Variants in PCNX1 observed in about 807,000 individuals in gnomAD.
PCNX1 encodes pecanex 1.
A neutral mutation model predicts 242.2 loss-of-function variants in PCNX1; 78 were observed. The observed-to-expected ratio is 0.32, with a 90% CI of 0.27 to 0.39. PCNX1 has a LOEUF of 0.39. Ranked by LOEUF, PCNX1 falls within the 10% of genes least tolerant of loss-of-function variation. The probability of loss-of-function intolerance (pLI) is 1.00; values close to 1 mark genes in which losing one functional copy is unlikely to be tolerated. For synonymous variants in PCNX1, 1,024 were observed against 1,032.9 expected, an observed-to-expected ratio of 0.99 and a Z score of 0.17; for missense variants, 2,581 against 2,856.5, an observed-to-expected ratio of 0.90 and a Z score of 2.20.
rs1299814666 is a variant in PCNX1 at position 71,013,032 on chromosome 14, A to C, written c.2826A>C (p.Thr942=). Residue 942 remains threonine, a synonymous_variant, in exon 11 of 36, where the codon ACA becomes ACC. Coordinates refer to ENST00000304743, the MANE Select transcript of PCNX1 (RefSeq NM_014982.3). ...TGAATAGACTATTGACCATTGATAC[A>C]GATTTGTTGGAGCAACAGGACATTG... The part of the protein sequence containing the change: ...IRLNRLLTID[T]DLLEQQDIDL... 6.2e-6 allele frequency: 10 copies of C among 1,614,146 alleles called. No homozygotes were observed. The highest frequency in any genetic ancestry group is 8.5e-6 in the Non-Finnish European group (10 of 1,179,996).
At position 70,995,795 on chromosome 14, in the gene PCNX1, C is replaced by T; in HGVS notation, c.2499C>T (p.Ser833=). 1.2e-6 allele frequency: 2 copies of T among 1,614,024 alleles called. No homozygotes were observed. Among genetic ancestry groups the T allele is most frequent in the Non-Finnish European group, 1.7e-6 (2 of 1,179,976 alleles). The change falls in exon 8 of 36, where the codon TCC becomes TCT. Residue 833 remains serine (S), a synonymous_variant. Transcript: ENST00000304743. ...QQSTAQVKVQ[S]RPPSQAAVLS... is the part of the protein sequence containing the mutation. ...CCACAGCCCAGGTCAAAGTCCAGTC[C>T]CGCCCCCCTTCCCAGGCTGCAGTGC...
chr14:70,954,591 G>T (rs374765005), intron 2 of PCNX1, among the ~76,000 whole-genome samples: 7 of 152,128 alleles, frequency 4.6e-5, no homozygotes, highest in East Asian at 3.9e-4. Flanking sequence ...GGAAATTTAT[G>T]ATTTTATAGT....
chr14:70,926,464 C>A lies in PCNX1; in HGVS notation c.153+18461C>A, dbSNP rs191255493. On this transcript the variant is annotated intron_variant, in intron 1 of 35. Coordinates refer to ENST00000304743, the MANE Select transcript of PCNX1 (RefSeq NM_014982.3). Reference sequence around the variant, plus strand: ...GCCCTTATGAATATGTAAATAGCAGCAAGAGAAGCACTTGCTGCCAATTGG... The same window carrying A: ...GCCCTTATGAATATGTAAATAGCAGAAAGAGAAGCACTTGCTGCCAATTGG... 7.2e-3 allele frequency among the ~76,000 whole-genome samples: 1,091 copies of A among 152,260 alleles called. 38 individuals are homozygous for A. Among genetic ancestry groups the A allele is most frequent in the Admixed American group, 0.067 (1,028 of 15,298 alleles).
At chr14:70,910,220 T>TCCCCCTCCC in intron 1 of PCNX1, among the ~76,000 whole-genome samples, 1 of 74,144 alleles carries the variant, frequency 1.3e-5, no homozygotes, top group East Asian at 3.8e-4. Context: ...CTCCTCCTCC[T>TCCCCCTCCC]CCTCCTCCTC....
At chr14:71,044,995 T>G in intron 19 of PCNX1, 138 bp from the exon 20 acceptor site, 1 of 609,522 alleles carries the variant, frequency 1.6e-6, no homozygotes. Context: ...AAATGTTAAC[T>G]GTAGAAAAAT....
chr14:70,937,406 C>G (rs1439134858), intron 1 of PCNX1, among the ~76,000 whole-genome samples: 1 of 152,186 alleles, frequency 6.6e-6, no homozygotes, highest in African/African-American at 2.4e-5. Context: ...TTCCCCATTT[C>G]TTGTTTCTGT....
At chr14:71,042,140 G>C (rs1328547131) in intron 19 of PCNX1, among the ~76,000 whole-genome samples, 1 of 152,160 alleles carries the variant, frequency 6.6e-6, no homozygotes, top group African/African-American at 2.4e-5. Flanking sequence ...AATGAGGACA[G>C]TGTGTATTTT....
Position 71,055,546 on chromosome 14 carries a change from G to T in PCNX1, c.4620G>T (p.Gln1540His). The change falls in exon 25 of 36, where the codon CAG (glutamine) becomes CAT (histidine). Residue 1540 changes from glutamine to histidine, a missense_variant. This residue lies in a region of PCNX1 where 99 missense variants were observed against 147.3 expected (regional missense o/e 0.67). Coordinates refer to ENST00000304743, the MANE Select transcript of PCNX1 (RefSeq NM_014982.3). ...VDHSNTRLASQLDRNPGSDDN... is the reference protein window; with the variant it reads ...VDHSNTRLASHLDRNPGSDDN... ...ATTCAAATACCAGATTGGCTTCCCA[G>T]CTTGATAGAAATCCAGGTAATAGCT... is the stretch of plus-strand genomic sequence containing the variant. The T allele has an allele frequency of 6.2e-7, 1 of 1,605,076 alleles. No individual in the cohort carries two copies. The highest frequency in any genetic ancestry group is 8.5e-7 in the Non-Finnish European group (1 of 1,172,630).
intron 11 of PCNX1, among the ~76,000 whole-genome samples, chr14:71,017,749 A>G (rs1475769213): frequency 2.6e-5 from 4 of 152,228 alleles, no homozygotes; most frequent in African/African-American, 9.6e-5. Flanking sequence ...AAAAGAGGTC[A>G]TTGGATTTAG....
chr14:70,961,812 C>T (rs976544192), intron 2 of PCNX1, among the ~76,000 whole-genome samples: 5 of 152,110 alleles, frequency 3.3e-5, no homozygotes, highest in Non-Finnish European at 7.4e-5. Context: ...CGAGGGGATT[C>T]GTTAATGTAA....
At chr14:71,098,776 C>T (rs943647514) in intron 30 of PCNX1, among the ~76,000 whole-genome samples, 2 of 151,900 alleles carry the variant, frequency 1.3e-5, no homozygotes, top group African/African-American at 4.8e-5. Flanking sequence ...ACTTCTTTTC[C>T]GATTTGGATG....
At chr14:71,021,218 T>G (rs1300590216) in intron 12 of PCNX1, among the ~76,000 whole-genome samples, 1 of 152,154 alleles carries the variant, frequency 6.6e-6, no homozygotes, top group Non-Finnish European at 1.5e-5. Context: ...TTATTTTTTT[T>G]GCTTAGGATT....
At position 71,033,457 on chromosome 14, in the gene PCNX1, T is replaced by C; in HGVS notation, c.3587T>C (p.Val1196Ala). 6.2e-7 allele frequency: 1 copy of C among 1,606,154 alleles called. No individual in the cohort carries two copies. Among genetic ancestry groups the C allele is most frequent in the Non-Finnish European group, 8.5e-7 (1 of 1,173,148 alleles). Residue 1196 changes from valine to alanine, a missense_variant, in exon 17 of 36, where the codon GTA becomes GCA. This residue lies in a region of PCNX1 where 432 missense variants were observed against 443.1 expected (regional missense o/e 0.97). Transcript: ENST00000304743. Reference sequence around the variant, plus strand: ...TCTTGGGATGGCCAGCATATTCCAGTACTTTTCTCCATTTTTTGTGGTTTA... The same window carrying C: ...TCTTGGGATGGCCAGCATATTCCAGCACTTTTCTCCATTTTTTGTGGTTTA... ...KDSWDGQHIP[V>A]LFSIFCGLLV...
intron 26 of PCNX1, among the ~76,000 whole-genome samples, chr14:71,072,297 T>C (rs2061604393): frequency 6.6e-6 from 1 of 152,182 alleles, no homozygotes. Context: ...TTAGGCAGTA[T>C]CATATAAAAT....
intron 2 of PCNX1, among the ~76,000 whole-genome samples, chr14:70,960,343 C>G (rs2058163571): frequency 1.3e-5 from 2 of 151,182 alleles, no homozygotes; most frequent in South Asian, 4.2e-4. Flanking sequence ...AGGTTTTCTT[C>G]TAGGGTTTTT....
chr14:71,063,247 A>G (rs1459297568), intron 26 of PCNX1, among the ~76,000 whole-genome samples: 2 of 152,152 alleles, frequency 1.3e-5, no homozygotes, highest in Non-Finnish European at 2.9e-5. Flanking sequence ...TCTCTGTTGC[A>G]TATTCTTCTT....
chr14:71,089,838 GA>G (rs1402140087), intron 30 of PCNX1, among the ~76,000 whole-genome samples: 1 of 152,066 alleles, frequency 6.6e-6, no homozygotes, highest in Admixed American at 6.6e-5. Flanking sequence ...CTGAATAAAA[GA>G]AAAATGTGAC....
At chr14:71,005,284 A>G (rs2059620943) in intron 8 of PCNX1, among the ~76,000 whole-genome samples, 1 of 152,112 alleles carries the variant, frequency 6.6e-6, no homozygotes, top group African/African-American at 2.4e-5. Flanking sequence ...AGGAGGTATC[A>G]CTTAGGCCCA....
intron 5 of PCNX1, among the ~76,000 whole-genome samples, chr14:70,969,620 A>G (rs567868035): frequency 3.9e-5 from 6 of 152,270 alleles, no homozygotes; most frequent in Non-Finnish European, 8.8e-5. Flanking sequence ...ACAGTACCCT[A>G]TCATTGTTTC....
Sources: gnomAD v4.1 joint callset for allele counts (sites outside exome capture counted in the v4.1 genomes callset) on GRCh38, gnomAD v4.1.1 for gene constraint, gnomAD v4.1.1 regional missense constraint, MANE v1.5 for transcripts, NCBI Gene and HGNC (gene_info 2026-07-23, HGNC 2026-07-21) for gene names.